The following FRMPD3 variants were observed in gnomAD, a reference collection of about 807,000 sequenced individuals.
The protein encoded by FRMPD3 is FERM and PDZ domain containing 3, also known as FERM and PDZ domain-containing protein 3.
In FRMPD3, 42 loss-of-function variants were observed where a neutral mutation model predicts 97.9. That is an observed-to-expected ratio of 0.43 (90% confidence interval 0.34 to 0.55). The LOEUF is 0.55. Ranked by LOEUF, FRMPD3 falls within the 20% of genes least tolerant of loss-of-function variation. The pLI is 0.03. For synonymous variants in FRMPD3, 577 were observed against 581.1 expected (o/e 0.99, Z 0.10); for missense variants, 1,303 against 1,457.7 (o/e 0.89, Z 1.73).
chrX:107,577,650 AAAAC>A lies in FRMPD3; in HGVS notation c.1441+1209_1441+1212del, dbSNP rs923115540. Among the ~76,000 whole-genome samples the A allele has an allele frequency of 2.9e-4, 32 of 110,204 alleles. No individual in the cohort carries two copies. In the South Asian group the frequency reaches 7.9e-3, roughly 27 times the overall value. ...GGCGACAGAGCAAAACTCCCTCTCA[AAAAC>A]AAACAAACAAACAAACAGTAGTCAG... On this transcript the variant is annotated intron_variant, in intron 13 of 14. Coordinates refer to ENST00000683843, the MANE Select transcript of FRMPD3 (RefSeq NM_001388459.1).
rs1391550701 is a variant in FRMPD3 at position 107,597,822 on chromosome X, G to A, written c.1943G>A (p.Gly648Glu). ...IVDLMSLPPPGSEEEEEEEDE... is the reference protein window; with the variant it reads ...IVDLMSLPPPESEEEEEEEDE... ...GATTTGATGTCCCTCCCACCACCTG[G>A]GAGTGAGGAGGAGGAGGAGGAGGAA... Residue 648 changes from glycine (G) to glutamate (E), a missense_variant, in exon 14 of 15, where the codon GGG becomes GAG. By Grantham distance (98) the Gly-to-Glu change is moderately conservative. This residue lies in a region of FRMPD3 where 535 missense variants were observed against 618.6 expected (regional missense o/e 0.86). Coordinates refer to ENST00000683843, the MANE Select transcript of FRMPD3 (RefSeq NM_001388459.1). 3 of 1,185,095 alleles carry A rather than the reference G, an allele frequency of 2.5e-6. No homozygotes were observed. Among genetic ancestry groups the A allele is most frequent in the South Asian group, 3.7e-5 (2 of 54,149 alleles).
chrX:107,576,718 G>A (rs1000509408), intron 13 of FRMPD3, among the ~76,000 whole-genome samples: 1 of 112,349 alleles, frequency 8.9e-6, no homozygotes, highest in Non-Finnish European at 1.9e-5. Flanking sequence ...TATTAAAATA[G>A]CAAACATGAT....
rs181913680 is a variant in FRMPD3 at position 107,597,933 on chromosome X, G to A, written c.2054G>A (p.Arg685His). The change falls in exon 14 of 15, where the codon CGC becomes CAC. Residue 685 changes from arginine to histidine, a missense_variant. Around this residue, in one of 3 missense-constraint regions of FRMPD3, gnomAD observed 535 missense variants for 618.6 expected, o/e 0.86. Coordinates refer to ENST00000683843, the MANE Select transcript of FRMPD3 (RefSeq NM_001388459.1). ...DNSSDEDDPK[R>H]RAVQSQEQGR... is the part of the protein sequence containing the mutation. ...AGCTCTGATGAGGATGACCCCAAGC[G>A]CCGGGCTGTCCAGAGCCAGGAACAA... is the stretch of plus-strand genomic sequence containing the variant. The A allele has an allele frequency of 1.6e-5, 19 of 1,208,729 alleles. No homozygotes were observed. In the African/African-American group the frequency reaches 1.6e-4, roughly 10 times the overall value.
At position 107,545,734 on chromosome X, in the gene FRMPD3, C is replaced by A; in HGVS notation, c.298-3C>A. ...ACTCACCATCTCTCTGTTCTTTTTC[C>A]AGTCCCCCAAATCTGCTTTCATCAG... On this transcript the variant is annotated splice_polypyrimidine_tract_variant and splice_region_variant and intron_variant, in intron 4 of 14. Coordinates refer to ENST00000683843, the MANE Select transcript of FRMPD3 (RefSeq NM_001388459.1). The A allele has an allele frequency of 8.3e-7, 1 of 1,202,149 alleles. No individual in the cohort carries two copies. Among genetic ancestry groups the A allele is most frequent in the Non-Finnish European group, 1.1e-6 (1 of 888,090 alleles).
Position 107,603,084 on chromosome X carries a change from C to T in FRMPD3, c.5045C>T (p.Ser1682Phe), listed in dbSNP as rs1924622534. Residue 1682 changes from serine to phenylalanine, a missense_variant, in exon 15 of 15, where the codon TCC (serine) becomes TTC (phenylalanine). Transcript: ENST00000683843. ...TFVRLVFIVR[S>F]EAQRQELLAK... The stretch of plus-strand genomic sequence containing the variant: ...GTGCGGCTGGTGTTCATTGTGCGCT[C>T]CGAGGCCCAGCGCCAAGAGCTGCTG... 1 of 1,210,708 alleles carries T rather than the reference C, an allele frequency of 8.3e-7. No individual in the cohort carries two copies. Among genetic ancestry groups the T allele is most frequent in the Non-Finnish European group, 1.1e-6 (1 of 895,426 alleles).
intron 4 of FRMPD3, among the ~76,000 whole-genome samples, chrX:107,536,164 C>T: frequency 9.0e-6 from 1 of 111,153 alleles, no homozygotes; most frequent in Non-Finnish European, 1.9e-5. Flanking sequence ...TCAGCCTGAA[C>T]AACATAGAAT....
At chrX:107,583,099 T>C (rs1923470134) in intron 13 of FRMPD3, among the ~76,000 whole-genome samples, 1 of 111,366 alleles carries the variant, frequency 9.0e-6, no homozygotes, top group Non-Finnish European at 1.9e-5. Context: ...TCTTTTTCTC[T>C]TTTTTTCTTT....
chrX:107,600,972 ACCC>A lies in FRMPD3; in HGVS notation c.2938_2940del (p.Pro980del). ...GTCACTGCTGGTGGGGCTTTGGGGA[ACCC>A]CCCCAGCAGGGGTGAGAGAAGGCTG... On this transcript the variant is annotated inframe_deletion, in exon 15 of 15. Coordinates refer to ENST00000683843, the MANE Select transcript of FRMPD3 (RefSeq NM_001388459.1). 8.3e-7 allele frequency: 1 copy of A among 1,207,493 alleles called. No individual in the cohort carries two copies. Among genetic ancestry groups the A allele is most frequent in the Non-Finnish European group, 1.1e-6 (1 of 893,908 alleles).
chrX:107,531,111 T>TACACACACACACACACACAC (rs35430860), intron 3 of FRMPD3, among the ~76,000 whole-genome samples: 1 of 93,617 alleles, frequency 1.1e-5, no homozygotes, highest in East Asian at 3.3e-4. Flanking sequence ...CTGTGCACAT[T>TACACACACACACACACACAC]ACACACACAC....
intron 4 of FRMPD3, among the ~76,000 whole-genome samples, chrX:107,543,794 C>T (rs1458719114): frequency 2.0e-5 from 2 of 101,979 alleles, no homozygotes; most frequent in South Asian, 4.6e-4. Context: ...CTAGCCTGGG[C>T]GACAGAGCAA....
intron 1 of FRMPD3, among the ~76,000 whole-genome samples, chrX:107,488,743 T>C (rs991502823): frequency 9.0e-6 from 1 of 110,816 alleles, no homozygotes; most frequent in African/African-American, 3.3e-5. Flanking sequence ...CTTCTTGAAC[T>C]AAAAAGCATT....
At chrX:107,515,748 G>T (rs1371327006) in intron 1 of FRMPD3, among the ~76,000 whole-genome samples, 1 of 111,521 alleles carries the variant, frequency 9.0e-6, no homozygotes, top group Non-Finnish European at 1.9e-5. Flanking sequence ...TTCTGGAGCG[G>T]TGGAGAGATT....
chrX:107,591,161 C>CTTTCT (rs1923881200), intron 13 of FRMPD3, among the ~76,000 whole-genome samples: 2 of 100,868 alleles, frequency 2.0e-5, no homozygotes, highest in African/African-American at 7.2e-5. Context: ...TTCTTTCTTT[C>CTTTCT]TTTTTTTTTT....
At chrX:107,559,123 A>G (rs1168563821) in intron 8 of FRMPD3, among the ~76,000 whole-genome samples, 1 of 107,136 alleles carries the variant, frequency 9.3e-6, no homozygotes, top group Non-Finnish European at 1.9e-5. Context: ...GCCCGCCACC[A>G]TGCCCAGCTA....
intron 4 of FRMPD3, among the ~76,000 whole-genome samples, chrX:107,542,546 A>T (rs1887653446): frequency 8.9e-6 from 1 of 111,800 alleles, no homozygotes; most frequent in Admixed American, 9.5e-5. Context: ...GCCAGGACTG[A>T]CACTCACTGC....
In FRMPD3 at chrX:107,601,373, A is replaced by T; in HGVS notation, c.3334A>T (p.Thr1112Ser). 2 of 1,208,493 alleles carry T rather than the reference A, an allele frequency of 1.7e-6. No homozygotes were observed. The highest frequency in any genetic ancestry group is 1.1e-6 in the Non-Finnish European group (1 of 894,164). Reference sequence around the variant, plus strand: ...AGGGGAGAAGGCGCAGCTGGAGAGCACACCCAAAAGAAGCAAGCTCGAAGA... The same window carrying T: ...AGGGGAGAAGGCGCAGCTGGAGAGCTCACCCAAAAGAAGCAAGCTCGAAGA... ...SQGEKAQLESTPKRSKLEETS... is the reference protein window; with the variant it reads ...SQGEKAQLESSPKRSKLEETS... The change falls in exon 15 of 15, where the codon ACA becomes TCA. Residue 1112 changes from threonine to serine, a missense_variant. Thr to Ser is a moderately conservative substitution (Grantham distance 58). Around this residue, in one of 3 missense-constraint regions of FRMPD3, gnomAD observed 764 missense variants for 820.2 expected, o/e 0.93. Transcript: ENST00000683843.
At chrX:107,457,642 A>G (rs1475233351) in intron 1 of FRMPD3, among the ~76,000 whole-genome samples, 1 of 112,165 alleles carries the variant, frequency 8.9e-6, no homozygotes, top group Non-Finnish European at 1.9e-5. Flanking sequence ...TCAGTGGACC[A>G]TGGCAACAGT....
intron 5 of FRMPD3, 117 bp downstream of exon 5, chrX:107,545,958 C>T (rs1921580531): frequency 1.7e-5 from 9 of 526,487 alleles, no homozygotes; most frequent in Admixed American, 6.4e-5. Flanking sequence ...AGAGTGGGAG[C>T]GTCCAGGTGC....
intron 1 of FRMPD3, among the ~76,000 whole-genome samples, chrX:107,508,835 A>G (rs1271932708): frequency 8.9e-6 from 1 of 112,065 alleles, no homozygotes; most frequent in African/African-American, 3.2e-5. Flanking sequence ...TGCCTGTAAC[A>G]TCAATAAGTT....
Sources: gnomAD v4.1 joint callset for allele counts (sites outside exome capture counted in the v4.1 genomes callset) on GRCh38, gnomAD v4.1.1 for gene constraint, gnomAD v4.1.1 regional missense constraint, MANE v1.5 for transcripts, NCBI Gene and HGNC (gene_info 2026-07-23, HGNC 2026-07-21) for gene names.